Variants in NID2 observed in about 807,000 individuals in gnomAD.
NID2 encodes nidogen 2.
In NID2, 83 loss-of-function variants were observed where a neutral mutation model predicts 145.4. That is an observed-to-expected ratio of 0.57 (90% confidence interval 0.48 to 0.69). The LOEUF (loss-of-function observed/expected upper bound fraction) is 0.69, where lower values mean the gene tolerates loss of function less well. Ranked by LOEUF, NID2 falls within the 30% of genes least tolerant of loss-of-function variation. The pLI is 0.00. For synonymous variants in NID2, 739 were observed against 701.3 expected, an observed-to-expected ratio of 1.05 and a Z score of -0.85; for missense variants, 1,807 against 1,765.7, an observed-to-expected ratio of 1.02 and a Z score of -0.42.
chr14:52,067,956 G>C lies in NID2; in HGVS notation c.436C>G (p.Arg146Gly). ...AARYVRAGFP[R>G]SARFTPTHAF... ...TGGGTGGGGGTAAAGCGCGCAGAGC[G>C]CGGGAAGCCAGCGCGCACATAGCGG... Residue 146 changes from arginine to glycine, a missense_variant, in exon 2 of 22, where the codon CGC (arginine) becomes GGC (glycine). Physicochemically the swap from Arg to Gly is moderately radical, Grantham distance 125. Transcript: ENST00000216286. The C allele has an allele frequency of 6.2e-7, 1 of 1,611,388 alleles. No individual in the cohort carries two copies. Among genetic ancestry groups the C allele is most frequent in the Non-Finnish European group, 8.5e-7 (1 of 1,179,042 alleles).
At position 52,053,908 on chromosome 14, in the gene NID2, TC is replaced by T; in HGVS notation, c.1099del (p.Glu367LysfsTer8). The T allele has an allele frequency of 6.2e-7, 1 of 1,613,868 alleles. No individual in the cohort carries two copies. Among genetic ancestry groups the T allele is most frequent in the Non-Finnish European group, 8.5e-7 (1 of 1,179,908 alleles). Reference sequence around the variant, plus strand: ...CCCTACCTCTCCCAGAGATGTTCCTTCTTTGGTGTGAGGATCCAAGGTGGAA... The same window carrying T: ...CCCTACCTCTCCCAGAGATGTTCCTTTTTGGTGTGAGGATCCAAGGTGGAA... ...ESSTLDPHTK[E>X]GTSLGEVGGP... On this transcript the variant is annotated frameshift_variant, in exon 5 of 22. Coordinates refer to ENST00000216286, the MANE Select transcript of NID2 (RefSeq NM_007361.4). LOFTEE classifies it high-confidence loss of function.
chr14:52,063,870 C>T (rs945704086), intron 2 of NID2, among the ~76,000 whole-genome samples: 15 of 152,172 alleles, frequency 9.9e-5, no homozygotes, highest in African/African-American at 3.6e-4. Context: ...CCTACAGATC[C>T]TGCCAAAAAT....
chr14:52,019,338 G>C (rs1284479300), intron 13 of NID2, 44 bp from the exon 14 acceptor site: 1 of 1,485,296 alleles, frequency 6.7e-7, no homozygotes, highest in African/African-American at 1.4e-5. Flanking sequence ...AGAAATAGAA[G>C]GCATTGCAAC....
chr14:52,014,581 G>A (rs1891150390), intron 15 of NID2, 125 bp from the exon 16 acceptor site: 1 of 948,184 alleles, frequency 1.1e-6, no homozygotes, highest in Non-Finnish European at 1.6e-6. Context: ...CTACGCAGAT[G>A]TGCTCCAGAT....
intron 9 of NID2, among the ~76,000 whole-genome samples, chr14:52,035,453 G>T (rs895666568): frequency 6.6e-6 from 1 of 152,146 alleles, no homozygotes; most frequent in Non-Finnish European, 1.5e-5. Flanking sequence ...GATATGCCTA[G>T]AACATTTTAA....
At position 52,015,172 on chromosome 14, in the gene NID2, A is replaced by T; in HGVS notation, c.3132T>A (p.Asp1044Glu). The change falls in exon 15 of 22, where the codon GAT becomes GAA. Residue 1044 changes from aspartate (D) to glutamate (E), a missense_variant. By Grantham distance (45) the Asp-to-Glu change is conservative. Transcript: ENST00000216286. ...PRDDQYVPQC[D>E]DLGHFIPLQC... is the part of the protein sequence containing the mutation. ...GCAGGGGGATGAAGTGGCCCAGGTC[A>T]TCGCACTGGGGCACGTACTGGTCAT... 6.2e-7 allele frequency: 1 copy of T among 1,613,788 alleles called. No individual in the cohort carries two copies. The highest frequency in any genetic ancestry group is 1.1e-5 in the South Asian group (1 of 91,076).
chr14:52,044,348 C>A (rs2749879), intron 5 of NID2, among the ~76,000 whole-genome samples: 66,066 of 146,402 alleles, frequency 0.45, 15,422 homozygotes, highest in Non-Finnish European at 0.51. Context: ...CAGCTCACTG[C>A]AAGCTCCACC....
At chr14:52,039,012 T>G in intron 8 of NID2, 35 bp from the exon 9 acceptor site, 1 of 1,435,398 alleles carries the variant, frequency 7.0e-7, no homozygotes, top group Non-Finnish European at 9.6e-7. Flanking sequence ...TTTAAAAATA[T>G]TAAATACAGA....
At chr14:52,049,575 CAAAAA>C (rs11316906) in intron 5 of NID2, among the ~76,000 whole-genome samples, 1 of 149,210 alleles carries the variant, frequency 6.7e-6, no homozygotes, top group Non-Finnish European at 1.5e-5. Context: ...ACTGCTACCT[CAAAAA>C]AAAAAAAAGT....
chr14:52,051,781 T>G (rs1319714935), intron 5 of NID2, among the ~76,000 whole-genome samples: 2 of 152,244 alleles, frequency 1.3e-5, no homozygotes, highest in African/African-American at 4.8e-5. Flanking sequence ...AAATGCGTAT[T>G]AACCAGCTTT....
At chr14:52,044,459 A>G (rs1892409694) in intron 5 of NID2, among the ~76,000 whole-genome samples, 1 of 151,884 alleles carries the variant, frequency 6.6e-6, no homozygotes, top group African/African-American at 2.4e-5. Context: ...TTTAGTAGAG[A>G]CAGGGTTTCA....
chr14:52,021,142 G>A (rs1321241580), intron 12 of NID2, among the ~76,000 whole-genome samples: 23 of 151,458 alleles, frequency 1.5e-4, no homozygotes, highest in South Asian at 2.1e-4. Flanking sequence ...GTGTAGGTCC[G>A]ATTAAGGCTT....
chr14:52,036,074 C>T (rs2645750), intron 9 of NID2, among the ~76,000 whole-genome samples: 1 of 150,996 alleles, frequency 6.6e-6, no homozygotes, highest in Admixed American at 6.6e-5. Flanking sequence ...TAAACAATTT[C>T]GTCTATTCAG....
chr14:52,012,110 A>G (rs895307866), intron 16 of NID2: 1 of 153,250 alleles, frequency 6.5e-6, no homozygotes, highest in African/African-American at 2.4e-5. Flanking sequence ...TAAGTTTTTA[A>G]TATTTTACTG....
intron 8 of NID2, among the ~76,000 whole-genome samples, chr14:52,039,438 A>C (rs1301346172): frequency 6.6e-6 from 1 of 152,232 alleles, no homozygotes; most frequent in Non-Finnish European, 1.5e-5. Context: ...ATTTCACAGA[A>C]GTGACGACTT....
In NID2 at chr14:52,038,859, G is replaced by A. The variant is rs1356963467; in HGVS notation, c.2145C>T (p.His715=). 12 of 1,614,034 alleles carry A rather than the reference G, an allele frequency of 7.4e-6. No homozygotes were observed. The African/African-American group carries it at 1.2e-4, about 16-fold the overall frequency. The stretch of plus-strand genomic sequence containing the variant: ...GCTGCTGGGTGGTGGGGAAGGACGG[G>A]TGTCTGGGGGCGTGCCTGCACACCT... ...TYQVCRHAPR[H]PSFPTTQQLN... is the part of the protein sequence containing the mutation. The change falls in exon 9 of 22, where the codon CAC becomes CAT. Residue 715 remains histidine, a synonymous_variant. Transcript: ENST00000216286.
Position 52,010,894 on chromosome 14 carries a change from G to A in NID2, c.3704C>T (p.Ala1235Val). Residue 1235 changes from alanine to valine, a missense_variant, in exon 18 of 22, where the codon GCT (alanine) becomes GTT (valine). Coordinates refer to ENST00000216286, the MANE Select transcript of NID2 (RefSeq NM_007361.4). ...YTDLVNPRAI[A>V]VDPIRGNLYW... ...AGCTGACCCTCGGATTGGATCCACA[G>A]CGATGGCACGGGGATTCACCAGATC... 1 of 1,613,240 alleles carries A rather than the reference G, an allele frequency of 6.2e-7. No homozygotes were observed. Among genetic ancestry groups the A allele is most frequent in the Non-Finnish European group, 8.5e-7 (1 of 1,179,864 alleles).
chr14:52,005,096 A>G lies in NID2; in HGVS notation c.*390T>C, dbSNP rs192623061. 7 of 170,698 alleles carry G rather than the reference A, an allele frequency of 4.1e-5. 1 individual carries two copies. The South Asian group carries it at 7.5e-4, about 18-fold the overall frequency. 10.6% of individuals were successfully genotyped at this position (170,698 alleles called of 1,614,324 possible). A position where few individuals can be genotyped will look rare whatever the true frequency, so the allele number is the denominator to read the frequency against. On this transcript the variant is annotated 3_prime_UTR_variant, in exon 22 of 22. Coordinates refer to ENST00000216286, the MANE Select transcript of NID2 (RefSeq NM_007361.4). ...TCAAGGTTTAGGATTATATTGTTAT[A>G]TTGATCACATGTGCTTTAATTTCTT...
chr14:52,006,176 T>C, intron 20 of NID2: 1 of 402,586 alleles, frequency 2.5e-6, no homozygotes, highest in Non-Finnish European at 4.6e-6. Context: ...ATGTCCACAG[T>C]GTCAAAAGCC....
Sources: allele counts gnomAD v4.1 joint callset (sites outside exome capture counted in the v4.1 genomes callset), GRCh38; gene constraint gnomAD v4.1.1; transcripts MANE v1.5; gene names NCBI Gene and HGNC (gene_info 2026-07-23, HGNC 2026-07-21).